UPF2: variants seen among roughly 807,000 people sequenced by gnomAD.
UPF2 encodes UPF2 regulator of nonsense mediated mRNA decay.
UPF2 carries 17 observed loss-of-function variants against 141.4 expected under a neutral mutation model. That is an observed-to-expected ratio of 0.12 (90% CI 0.08 to 0.18). UPF2 has a LOEUF of 0.18. UPF2 is among the 10% of genes least tolerant of loss of function. The pLI is 1.00. For synonymous variants in UPF2, 540 were observed against 498.0 expected, an observed-to-expected ratio of 1.08 and a Z score of -1.12; for missense variants, 1,152 against 1,515.9, an observed-to-expected ratio of 0.76 and a Z score of 3.99.
Position 12,001,217 on chromosome 10 carries a change from A to G in UPF2, c.1654+459T>C, listed in dbSNP as rs543211768. ...TCACCTGAGGTCAGGAGTTCGAGAC[A>G]AGCCTGGCCAACATGGTGAAACCCC... On this transcript the variant is annotated intron_variant, in intron 6 of 21. Coordinates refer to ENST00000357604, the MANE Select transcript of UPF2 (RefSeq NM_015542.4). Among the ~76,000 whole-genome samples, 5 of 152,128 alleles carry G rather than the reference A, an allele frequency of 3.3e-5. No individual in the cohort carries two copies. The East Asian group carries it at 9.7e-4, about 29-fold the overall frequency.
chr10:11,921,112 G>T lies in UPF2; in HGVS notation c.*186C>A, dbSNP rs753865964. ...CTTTTCCGCCTTGTCTGGAAGCGTC[G>T]GCTTGTTCCGGTGTTGGCAGAGGCT... On this transcript the variant is annotated 3_prime_UTR_variant, in exon 22 of 22. Transcript: ENST00000357604. This position sits in a 1 kb window ranked among gnomAD's most constrained non-coding sequence, Gnocchi z 5.9. The T allele has an allele frequency of 1.2e-6, 1 of 828,252 alleles. No individual in the cohort carries two copies. The highest frequency in any genetic ancestry group is 2.2e-6 in the Non-Finnish European group (1 of 463,598). The allele number at this position is 828,252 out of a possible 1,614,324, so 51.3% of individuals were successfully genotyped here.
intron 1 of UPF2, among the ~76,000 whole-genome samples, chr10:12,040,458 G>T (rs1834716475): frequency 6.6e-6 from 1 of 151,996 alleles, no homozygotes; most frequent in Admixed American, 6.6e-5. Flanking sequence ...CAAAAAAAAG[G>T]ATTAGACTGT....
At chr10:11,950,560 T>C (rs1833060912) in intron 15 of UPF2, among the ~76,000 whole-genome samples, 1 of 152,210 alleles carries the variant, frequency 6.6e-6, no homozygotes, top group Admixed American at 6.5e-5. Context: ...AGCCTTTTGA[T>C]CTACAAAGGA....
At chr10:11,962,926 C>T (rs1416481339) in intron 11 of UPF2, among the ~76,000 whole-genome samples, 2 of 152,122 alleles carry the variant, frequency 1.3e-5, no homozygotes, top group African/African-American at 4.8e-5. Flanking sequence ...GCCTCTTCTA[C>T]CTACACTCAA....
intron 4 of UPF2, among the ~76,000 whole-genome samples, chr10:12,012,558 G>C (rs989747251): frequency 1.3e-5 from 2 of 151,010 alleles, no homozygotes; most frequent in Non-Finnish European, 3.0e-5. Context: ...GGTGTACCTC[G>C]GCCCACAGCC....
chr10:11,988,178 G>C (rs1482651182), intron 8 of UPF2, among the ~76,000 whole-genome samples: 1 of 152,180 alleles, frequency 6.6e-6, no homozygotes, highest in Non-Finnish European at 1.5e-5. Context: ...TATGTCATTA[G>C]GGACGTTGTC....
At chr10:12,004,790 A>G (rs532301122) in intron 4 of UPF2, 63 bp from the exon 5 acceptor site, 153 of 1,507,732 alleles carry the variant, frequency 1.0e-4, no homozygotes, top group Non-Finnish European at 1.1e-4. Flanking sequence ...TAAACATGAC[A>G]TAAGTTATTT....
At position 11,936,030 on chromosome 10, in the gene UPF2, C is replaced by G. The variant is rs995949168; in HGVS notation, c.3546+515G>C. 1.3e-5 allele frequency among the ~76,000 whole-genome samples: 2 copies of G among 152,112 alleles called. No homozygotes were observed. The highest frequency in any genetic ancestry group is 4.8e-5 in the African/African-American group (2 of 41,416). ...TGGGGCTTGCTTGTGGAAGTTTGTG[C>G]TAGAAGTCAAGGTACTTACATATTC... On this transcript the variant is annotated intron_variant, in intron 19 of 21. Transcript: ENST00000357604. This position sits in a 1 kb window ranked among gnomAD's most constrained non-coding sequence, Gnocchi z 6.6.
chr10:11,978,238 G>C (rs946286360), intron 9 of UPF2, among the ~76,000 whole-genome samples: 1 of 152,164 alleles, frequency 6.6e-6, no homozygotes, highest in Admixed American at 6.5e-5. Context: ...AAGCGTGTGC[G>C]GACATTTCCC....
intron 3 of UPF2, among the ~76,000 whole-genome samples, chr10:12,022,618 C>G (rs576603896): frequency 6.6e-6 from 1 of 152,050 alleles, no homozygotes; most frequent in African/African-American, 2.4e-5. Flanking sequence ...TAGAACATTA[C>G]AGCTATAACA....
At chr10:12,038,114 G>A (rs919057817) in intron 1 of UPF2, among the ~76,000 whole-genome samples, 3 of 152,168 alleles carry the variant, frequency 2.0e-5, no homozygotes, top group Non-Finnish European at 4.4e-5. Context: ...TGGGTGCGGT[G>A]GCTCATGCCT....
At chr10:12,028,654 A>G (rs1339871295) in intron 3 of UPF2, 91 bp downstream of exon 3, 28 of 1,367,338 alleles carry the variant, frequency 2.0e-5, no homozygotes, top group East Asian at 2.3e-5. Context: ...GCCCTTTTCC[A>G]TAAGTTCTTT....
chr10:11,990,968 C>T (rs1448567101), intron 8 of UPF2, among the ~76,000 whole-genome samples: 3 of 137,144 alleles, frequency 2.2e-5, no homozygotes, highest in Admixed American at 8.1e-5. Context: ...AGCGCTTGAG[C>T]GACAGAGCAA....
intron 15 of UPF2, 145 bp from the exon 16 acceptor site, chr10:11,948,653 G>T: frequency 1.1e-6 from 1 of 939,718 alleles, no homozygotes; most frequent in Non-Finnish European, 1.6e-6. Context: ...TAAAAACTAC[G>T]GTGAGAAACA....
chr10:11,944,123 T>C (rs1265100493), intron 16 of UPF2, among the ~76,000 whole-genome samples: 1 of 152,018 alleles, frequency 6.6e-6, no homozygotes, highest in African/African-American at 2.4e-5. Context: ...ATCTTTAGTG[T>C]ATGTAGCAAT....
At chr10:12,018,185 C>T (rs191655574) in intron 3 of UPF2, among the ~76,000 whole-genome samples, 75 of 152,280 alleles carry the variant, frequency 4.9e-4, no homozygotes, top group African/African-American at 1.6e-3. Context: ...CAGCGGCTAA[C>T]GCCTGTAATC....
At position 11,936,991 on chromosome 10, in the gene UPF2, G is replaced by A. The variant is rs1832860460; in HGVS notation, c.3379-279C>T. Among the ~76,000 whole-genome samples, 1 of 152,224 alleles carries A rather than the reference G, an allele frequency of 6.6e-6. No homozygotes were observed. The highest frequency in any genetic ancestry group is 6.5e-5 in the Admixed American group (1 of 15,280). On this transcript the variant is annotated intron_variant, in intron 18 of 21. Transcript: ENST00000357604. This position sits in a 1 kb window ranked among gnomAD's most constrained non-coding sequence, Gnocchi z 6.6. ...CAGCCTCTCCCAAGCACGCAGTGCTGCGGGTTCTACCAAATCCCCCTGCTC... is the reference window on the plus strand; with the variant it reads ...CAGCCTCTCCCAAGCACGCAGTGCTACGGGTTCTACCAAATCCCCCTGCTC...
rs117126591 is a variant in UPF2 at position 11,931,168 on chromosome 10, A to T, written c.3688+473T>A. Among the ~76,000 whole-genome samples the T allele has an allele frequency of 1.6e-4, 24 of 152,344 alleles. No individual in the cohort carries two copies. In the East Asian group the frequency reaches 4.4e-3, roughly 28 times the overall value. On this transcript the variant is annotated intron_variant, in intron 20 of 21. Transcript: ENST00000357604. This position sits in a 1 kb window ranked among gnomAD's most constrained non-coding sequence, Gnocchi z 5.9. ...GCGTGACCATGTTCCAGACAATGAC[A>T]GACACCTATACAATGGTGGTCCCAT...
rs935640520 is a variant in UPF2, at chr10:12,016,549, C to T, written c.1146-2365G>A. Among the ~76,000 whole-genome samples, 1 of 151,866 alleles carries T rather than the reference C, an allele frequency of 6.6e-6. No individual in the cohort carries two copies. Among genetic ancestry groups the T allele is most frequent in the African/African-American group, 2.4e-5 (1 of 41,356 alleles). On this transcript the variant is annotated intron_variant, in intron 3 of 21. Coordinates refer to ENST00000357604, the MANE Select transcript of UPF2 (RefSeq NM_015542.4). The surrounding 1 kb of genome is among the most constrained non-coding windows in gnomAD (Gnocchi z 4.1). Reference sequence around the variant, plus strand: ...TCTCTACTAAAAATACAAAAATTAGCCGGGTGTGGTGGTAGGTGCCTGTAA... The same window carrying T: ...TCTCTACTAAAAATACAAAAATTAGTCGGGTGTGGTGGTAGGTGCCTGTAA...
Sources: allele counts gnomAD v4.1 joint callset (sites outside exome capture counted in the v4.1 genomes callset), GRCh38; gene constraint gnomAD v4.1.1; non-coding constraint Gnocchi (gnomAD v3.1); transcripts MANE v1.5; gene names NCBI Gene and HGNC (gene_info 2026-07-23, HGNC 2026-07-21).